EPHA5: variants seen among roughly 807,000 people sequenced by gnomAD.
The protein encoded by EPHA5 is EPH receptor A5.
A neutral mutation model predicts 105.0 loss-of-function variants in EPHA5; 60 were observed. The ratio of observed to expected loss-of-function variants is 0.57; its 90% CI spans 0.46 to 0.71. The LOEUF is 0.71. EPHA5 is among the 30% of genes least tolerant of loss of function. EPHA5 has a pLI of 0.00. For synonymous variants in EPHA5, 513 were observed against 449.1 expected (o/e 1.14, Z -1.80); for missense variants, 1,218 against 1,274.7 (o/e 0.96, Z 0.68).
Position 65,472,340 on chromosome 4 carries a change from T to A in EPHA5, c.1402+18037A>T, listed in dbSNP as rs146179501. Among the ~76,000 whole-genome samples the A allele has an allele frequency of 3.0e-3, 452 of 152,256 alleles. 6 individuals carry two copies. The highest frequency in any genetic ancestry group is 0.014 in the East Asian group (74 of 5,158). ...TTTTCCAGATACAGGGTGCAAATTGTTGGTGGATCTACCATTCTGGGGTCT... is the reference window on the plus strand; with the variant it reads ...TTTTCCAGATACAGGGTGCAAATTGATGGTGGATCTACCATTCTGGGGTCT... On this transcript the variant is annotated intron_variant, in intron 5 of 16. Transcript: ENST00000613740.
intron 8 of EPHA5, among the ~76,000 whole-genome samples, chr4:65,402,825 T>A (rs948196248): frequency 1.3e-5 from 2 of 152,146 alleles, no homozygotes; most frequent in Non-Finnish European, 2.9e-5. Flanking sequence ...GTAGTTACAG[T>A]TCTTGCAACT....
chr4:65,447,984 A>G (rs570815503), intron 5 of EPHA5, among the ~76,000 whole-genome samples: 25 of 152,290 alleles, frequency 1.6e-4, no homozygotes, highest in Non-Finnish European at 2.9e-5. Flanking sequence ...TCTAAAATAG[A>G]TGAAAGTGAT....
chr4:65,460,615 T>G (rs1157308540), intron 5 of EPHA5, among the ~76,000 whole-genome samples: 1 of 151,660 alleles, frequency 6.6e-6, no homozygotes, highest in African/African-American at 2.4e-5. Flanking sequence ...GCATTTAAAA[T>G]ATAGCAATAT....
chr4:65,348,815 A>ATATATATTT lies in EPHA5; in HGVS notation c.2446-613_2446-612insAAATATATA, dbSNP rs71657404. On this transcript the variant is annotated intron_variant, in intron 13 of 16. Coordinates refer to ENST00000613740, the MANE Select transcript of EPHA5 (RefSeq NM_001281766.3). Reference sequence around the variant, plus strand: ...TGTGTATATATATATATATATATATATTTTTTTTTTTTTTTTTTGAGACAG... The same window carrying ATATATATTT: ...TGTGTATATATATATATATATATATATATATATTTTTTTTTTTTTTTTTTTTTGAGACAG... Among the ~76,000 whole-genome samples the ATATATATTT allele has an allele frequency of 9.4e-5, 6 of 64,110 alleles. 1 individual carries two copies. Among genetic ancestry groups the ATATATATTT allele is most frequent in the Admixed American group, 8.9e-4 (3 of 3,380 alleles). The allele number at this position is 64,110 out of a possible 152,430, so 42.1% of individuals were successfully genotyped here.
At chr4:65,666,696 C>A (rs919639855) in intron 1 of EPHA5, among the ~76,000 whole-genome samples, 1 of 152,060 alleles carries the variant, frequency 6.6e-6, no homozygotes, top group African/African-American at 2.4e-5. Context: ...ACTAAAACTA[C>A]TAAGGATATA....
intron 3 of EPHA5, among the ~76,000 whole-genome samples, chr4:65,521,603 T>C (rs1734725382): frequency 6.6e-6 from 1 of 152,080 alleles, no homozygotes. Context: ...TTTTCTAATA[T>C]TTACGTCTAC....
At chr4:65,626,934 C>A (rs973243416) in intron 2 of EPHA5, among the ~76,000 whole-genome samples, 1 of 152,246 alleles carries the variant, frequency 6.6e-6, no homozygotes, top group South Asian at 2.1e-4. Context: ...ACTTGAAATC[C>A]TCTCTAGCCA....
Position 65,593,795 on chromosome 4 carries a change from G to T in EPHA5, c.910+7846C>A, listed in dbSNP as rs182238438. On this transcript the variant is annotated intron_variant, in intron 3 of 16. Transcript: ENST00000613740. ...CGGCATCACTTTTAAGCCCAATGCC[G>T]TTAATCTGCTACGCACACAAATACC... Among the ~76,000 whole-genome samples the T allele has an allele frequency of 2.0e-4, 31 of 152,286 alleles. No homozygotes were observed. The East Asian group carries it at 6.0e-3, about 29-fold the overall frequency.
intron 5 of EPHA5, among the ~76,000 whole-genome samples, chr4:65,478,554 T>A (rs111532676): frequency 1.3e-5 from 2 of 152,094 alleles, no homozygotes; most frequent in African/African-American, 4.8e-5. Context: ...TCACTCCAAC[T>A]TCCCCCTCCT....
Position 65,427,274 on chromosome 4 carries a change from T to TC in EPHA5, c.1403-6710dup, listed in dbSNP as rs1326247133. Reference sequence around the variant, plus strand: ...ATCTCTGCTCACTGCAACCTCTGCCTCCCGGGTTCAAGCGATTCTCCTGCC... The same window carrying TC: ...ATCTCTGCTCACTGCAACCTCTGCCTCCCCGGGTTCAAGCGATTCTCCTGCC... On this transcript the variant is annotated intron_variant, in intron 5 of 16. Coordinates refer to ENST00000613740, the MANE Select transcript of EPHA5 (RefSeq NM_001281766.3). Among the ~76,000 whole-genome samples the TC allele has an allele frequency of 2.1e-5, 3 of 145,846 alleles. No individual in the cohort carries two copies. In the Admixed American group the frequency reaches 2.1e-4, roughly 10 times the overall value.
chr4:65,633,298 T>G (rs11735820), intron 2 of EPHA5, among the ~76,000 whole-genome samples: 48,734 of 151,510 alleles, frequency 0.32, 8,037 homozygotes, highest in African/African-American at 0.35. Context: ...GCATTTGCTT[T>G]CAAAATTAAT....
chr4:65,384,034 G>A (rs1415050303), intron 8 of EPHA5, among the ~76,000 whole-genome samples: 4 of 151,814 alleles, frequency 2.6e-5, no homozygotes, highest in Non-Finnish European at 4.4e-5. Flanking sequence ...AAATCGGTTT[G>A]TATACGAGAA....
chr4:65,432,785 G>C (rs1725103780), intron 5 of EPHA5, among the ~76,000 whole-genome samples: 1 of 151,562 alleles, frequency 6.6e-6, no homozygotes, highest in Non-Finnish European at 1.5e-5. Flanking sequence ...TGCTTTTACA[G>C]CCACCTAGAG....
chr4:65,560,073 CTG>C (rs1410298687), intron 3 of EPHA5, among the ~76,000 whole-genome samples: 4 of 152,078 alleles, frequency 2.6e-5, no homozygotes, highest in Non-Finnish European at 5.9e-5. Context: ...TTTTTTATGA[CTG>C]TGACATGTTG....
chr4:65,659,639 T>C (rs1303221282), intron 1 of EPHA5, among the ~76,000 whole-genome samples: 1 of 152,024 alleles, frequency 6.6e-6, no homozygotes, highest in Non-Finnish European at 1.5e-5. Flanking sequence ...GTAAACCACT[T>C]AGAACAATGT....
intron 3 of EPHA5, among the ~76,000 whole-genome samples, chr4:65,528,297 T>A (rs952713076): frequency 1.3e-5 from 2 of 152,096 alleles, no homozygotes. Context: ...GCCTAACAAA[T>A]CTAAAATTAA....
intron 5 of EPHA5, among the ~76,000 whole-genome samples, chr4:65,465,519 G>GA (rs1240783395): frequency 3.4e-5 from 3 of 86,972 alleles, no homozygotes; most frequent in Non-Finnish European, 4.9e-5. Context: ...AAGAAAGAAA[G>GA]AAAGAAAGAA....
At chr4:65,587,940 T>C (rs1560738615) in intron 3 of EPHA5, among the ~76,000 whole-genome samples, 1 of 152,136 alleles carries the variant, frequency 6.6e-6, no homozygotes, top group Non-Finnish European at 1.5e-5. Flanking sequence ...CAGATTAAGC[T>C]CACAGGTGAT....
chr4:65,562,976 C>T (rs1739171802), intron 3 of EPHA5, among the ~76,000 whole-genome samples: 1 of 151,592 alleles, frequency 6.6e-6, no homozygotes, highest in Non-Finnish European at 1.5e-5. Context: ...GACCCAGTCT[C>T]TTAAATAAAT....
Sources: allele counts gnomAD v4.1 joint callset (sites outside exome capture counted in the v4.1 genomes callset), GRCh38; gene constraint gnomAD v4.1.1; transcripts MANE v1.5; gene names NCBI Gene and HGNC (gene_info 2026-07-23, HGNC 2026-07-21).